AMZ2: variants seen among roughly 807,000 people sequenced by gnomAD.
AMZ2 encodes the protein archaelysin family metallopeptidase 2.
A neutral mutation model predicts 36.7 loss-of-function variants in AMZ2; 26 were observed. That is an observed-to-expected ratio of 0.71 (90% CI 0.52 to 0.98). The LOEUF is 0.98. Among genes scored for constraint, AMZ2 ranks in the 50% least tolerant of loss-of-function variants. The pLI is 0.00. For synonymous variants in AMZ2, 144 were observed against 149.1 expected, an observed-to-expected ratio of 0.97 and a Z score of 0.25; for missense variants, 394 against 430.5, an observed-to-expected ratio of 0.92 and a Z score of 0.75.
At chr17:68,233,376 G>C (rs1340143346) in intron 1 of AMZ2, among the ~76,000 whole-genome samples, 1 of 152,014 alleles carries the variant, frequency 6.6e-6, no homozygotes, top group South Asian at 2.1e-4. Context: ...GGGCGTGGTC[G>C]TGGGCATTTG....
upstream of AMZ2, among the ~76,000 whole-genome samples, chr17:68,243,616 T>C (rs1215255393): frequency 6.6e-6 from 1 of 152,218 alleles, no homozygotes; most frequent in African/African-American, 2.4e-5. Flanking sequence ...CTGTGAGATC[T>C]CTTATTGGGT....
upstream of AMZ2, chr17:68,247,507 G>C (rs1469438329): frequency 3.8e-6 from 2 of 522,558 alleles, no homozygotes; most frequent in African/African-American, 4.1e-5. Flanking sequence ...GCCTCGGAGC[G>C]CCAGGGACGC....
intron 1 of AMZ2, among the ~76,000 whole-genome samples, chr17:68,211,511 A>G (rs1247105584): frequency 2.0e-5 from 3 of 151,574 alleles, no homozygotes; most frequent in Non-Finnish European, 4.4e-5. Flanking sequence ...TTAAAAAAAA[A>G]AAAAAGAAAA....
intron 1 of AMZ2, among the ~76,000 whole-genome samples, chr17:68,214,290 C>T (rs2073140594): frequency 2.0e-5 from 3 of 152,184 alleles, no homozygotes; most frequent in South Asian, 4.2e-4. Flanking sequence ...TGAGGTCTGT[C>T]CTCGAGAGTA....
intron 1 of AMZ2, among the ~76,000 whole-genome samples, chr17:68,231,921 C>T (rs191318168): frequency 6.6e-6 from 1 of 151,994 alleles, no homozygotes; most frequent in Non-Finnish European, 1.5e-5. Context: ...CATGCTTATA[C>T]TAAAAAATCA....
chr17:68,232,010 C>A (rs535401662), intron 1 of AMZ2, among the ~76,000 whole-genome samples: 9 of 148,282 alleles, frequency 6.1e-5, no homozygotes, highest in South Asian at 2.1e-4. Context: ...ACTGTAGAAC[C>A]AATGCATATG....
chr17:68,231,416 A>ATGGGGACATATTTGCTATTTGTGTG (rs1431319424), intron 1 of AMZ2, among the ~76,000 whole-genome samples: 1 of 42,278 alleles, frequency 2.4e-5, no homozygotes, highest in Non-Finnish European at 4.1e-5. Context: ...ATCCAGCACT[A>ATGGGGACATATTTGCTATTTGTGTG]GTTAAGTTGG....
intron 1 of AMZ2, among the ~76,000 whole-genome samples, chr17:68,229,509 G>C (rs59956579): frequency 0.078 from 11,933 of 152,252 alleles, 790 homozygotes; most frequent in African/African-American, 0.17. Context: ...TACTTTTCCT[G>C]AGAGTTTGAG....
intron 1 of AMZ2, among the ~76,000 whole-genome samples, chr17:68,227,528 G>T (rs757829250): frequency 2.0e-5 from 3 of 152,190 alleles, no homozygotes; most frequent in Non-Finnish European, 4.4e-5. Flanking sequence ...CACTGGCTGC[G>T]GGCTCCAGGG....
intron 1 of AMZ2, among the ~76,000 whole-genome samples, chr17:68,225,284 C>G (rs189138166): frequency 4.6e-5 from 7 of 152,198 alleles, no homozygotes; most frequent in Admixed American, 2.6e-4. Context: ...AGCTAAAAGT[C>G]CCCTGAGAGA....
chr17:68,238,556 A>G (rs2073838720), intron 1 of AMZ2, among the ~76,000 whole-genome samples: 1 of 149,694 alleles, frequency 6.7e-6, no homozygotes, highest in East Asian at 2.0e-4. Context: ...ATAGAGAGAA[A>G]GAGTGCATAT....
intron 1 of AMZ2, among the ~76,000 whole-genome samples, chr17:68,221,688 A>T (rs1362650577): frequency 2.0e-5 from 3 of 151,940 alleles, no homozygotes; most frequent in African/African-American, 7.3e-5. Flanking sequence ...AGATCACACC[A>T]CTGCACTCCA....
intron 5 of AMZ2, 34 bp downstream of exon 5, chr17:68,254,601 T>C (rs782253936): frequency 9.7e-6 from 15 of 1,545,946 alleles, no homozygotes; most frequent in Non-Finnish European, 1.2e-5. Flanking sequence ...AGGACAGTTC[T>C]TTAAAAGAGA....
intron 2 of AMZ2, 83 bp downstream of exon 2, chr17:68,250,553 C>G: frequency 6.0e-6 from 9 of 1,500,650 alleles, no homozygotes; most frequent in Non-Finnish European, 8.0e-6. Context: ...GGGTCTGATT[C>G]AGATGGGCCG....
In AMZ2 at chr17:68,253,268, C is replaced by T. The variant is rs367941074; in HGVS notation, c.587-1136C>T. Among the ~76,000 whole-genome samples the T allele has an allele frequency of 2.6e-5, 4 of 152,248 alleles. No individual in the cohort carries two copies. In the East Asian group the frequency reaches 7.7e-4, roughly 29 times the overall value. On this transcript the variant is annotated intron_variant, in intron 4 of 6. Coordinates refer to ENST00000359904, the MANE Select transcript of AMZ2 (RefSeq NM_016627.5). ...ATTTTCAAATATCAGTCTACATTTT[C>T]TGGGTAAAGGGAGGTGAGGAAGTTT...
At chr17:68,243,220 C>T (rs1447822738), upstream of AMZ2, among the ~76,000 whole-genome samples, 1 of 151,874 alleles carries the variant, frequency 6.6e-6, no homozygotes, top group Non-Finnish European at 1.5e-5. Flanking sequence ...CTGCAACCTC[C>T]GTCTCCCGGG....
chr17:68,227,042 G>C (rs1316277374), intron 1 of AMZ2, among the ~76,000 whole-genome samples: 1 of 151,446 alleles, frequency 6.6e-6, no homozygotes, highest in Non-Finnish European at 1.5e-5. Context: ...TTCGGGCACC[G>C]AGAGAGGGAG....
intron 1 of AMZ2, among the ~76,000 whole-genome samples, chr17:68,228,277 A>G (rs1173580515): frequency 6.6e-6 from 1 of 152,176 alleles, no homozygotes; most frequent in Non-Finnish European, 1.5e-5. Flanking sequence ...TCAGTCACCA[A>G]ATCTCAGCAT....
chr17:68,255,639 A>G, intron 5 of AMZ2, 61 bp from the exon 6 acceptor site: 1 of 1,520,664 alleles, frequency 6.6e-7, no homozygotes, highest in South Asian at 1.2e-5. Flanking sequence ...CAAGAAAAAG[A>G]AGAGACGTGT....
Sources: gnomAD v4.1 joint callset for allele counts (sites outside exome capture counted in the v4.1 genomes callset) on GRCh38, gnomAD v4.1.1 for gene constraint, MANE v1.5 for transcripts, NCBI Gene and HGNC (gene_info 2026-07-23, HGNC 2026-07-21) for gene names.